Variants in SYT6 observed in about 807,000 individuals in gnomAD.
SYT6 encodes synaptotagmin 6, also known as synaptotagmin-6.
In SYT6, 24 loss-of-function variants were observed where a neutral mutation model predicts 38.4. That is an observed-to-expected ratio of 0.62 (90% confidence interval 0.45 to 0.88). The LOEUF is 0.88. Among genes scored for constraint, SYT6 ranks in the 40% least tolerant of loss-of-function variants. The pLI is 0.00. For missense variants in SYT6, 611 were observed against 621.0 expected (o/e 0.98, Z 0.17); for synonymous variants, 265 against 241.9 (o/e 1.10, Z -0.89).
At chr1:114,129,616 C>CTTTCTTTCTTTCCTTT (rs767321115) in intron 3 of SYT6, among the ~76,000 whole-genome samples, 45 of 58,968 alleles carry the variant, frequency 7.6e-4, no homozygotes, top group African/African-American at 1.1e-3. Context: ...TTCTTTCTTT[C>CTTTCTTTCTTTCCTTT]CTTTCTTTCT....
intron 3 of SYT6, among the ~76,000 whole-genome samples, chr1:114,104,124 G>T (rs1050576300): frequency 6.6e-6 from 1 of 152,158 alleles, no homozygotes; most frequent in Non-Finnish European, 1.5e-5. Flanking sequence ...GCCCATCCAG[G>T]CATGTGGTCA....
chr1:114,140,328 C>A (rs1198314962), intron 1 of SYT6, among the ~76,000 whole-genome samples: 2 of 151,818 alleles, frequency 1.3e-5, no homozygotes, highest in Non-Finnish European at 2.9e-5. Flanking sequence ...AGCAAATGTG[C>A]AAATTTGTGA....
At chr1:114,109,058 G>T (rs779596570) in intron 3 of SYT6, among the ~76,000 whole-genome samples, 25 of 152,194 alleles carry the variant, frequency 1.6e-4, no homozygotes, top group Non-Finnish European at 2.8e-4. Flanking sequence ...GACTCCAATG[G>T]CTAAAGAAAC....
At chr1:114,131,643 G>C (rs910269627) in intron 3 of SYT6, among the ~76,000 whole-genome samples, 1 of 152,166 alleles carries the variant, frequency 6.6e-6, no homozygotes, top group African/African-American at 2.4e-5. Context: ...TGATATGGAG[G>C]GCTCTTGCTT....
chr1:114,095,985 C>A (rs1675617318), intron 6 of SYT6, among the ~76,000 whole-genome samples: 1 of 151,372 alleles, frequency 6.6e-6, no homozygotes, highest in Non-Finnish European at 1.5e-5. Context: ...TAAGGCCCTA[C>A]AGCCGACCAG....
At chr1:114,131,647 C>CT (rs1216295127) in intron 3 of SYT6, among the ~76,000 whole-genome samples, 1 of 152,218 alleles carries the variant, frequency 6.6e-6, no homozygotes, top group Non-Finnish European at 1.5e-5. Flanking sequence ...ATGGAGGGCT[C>CT]TTGCTTTACC....
At position 114,106,056 on chromosome 1, in the gene SYT6, A is replaced by G. The variant is rs184903823; in HGVS notation, c.1072-2335T>C. Among the ~76,000 whole-genome samples the G allele has an allele frequency of 6.6e-3, 1,003 of 152,266 alleles. 5 individuals carry two copies. Among genetic ancestry groups the G allele is most frequent in the Non-Finnish European group, 9.0e-3 (615 of 68,012 alleles). ...CTCCTGGCTCCCTAGTCCCCTAGTC[A>G]AGAGAGAGACACATAGCAAGTGCCC... On this transcript the variant is annotated intron_variant, in intron 3 of 7. Coordinates refer to ENST00000610222, the MANE Select transcript of SYT6 (RefSeq NM_001253772.2).
At position 114,097,895 on chromosome 1, in the gene SYT6, G is replaced by T; in HGVS notation, c.1365-18C>A. 1 of 1,613,396 alleles carries T rather than the reference G, an allele frequency of 6.2e-7. No individual in the cohort carries two copies. Among genetic ancestry groups the T allele is most frequent in the Non-Finnish European group, 8.5e-7 (1 of 1,179,478 alleles). Reference sequence around the variant, plus strand: ...GGCCCACTCTGAGGGAGAAACAAAAGTCCCAGCACTGGCTACCAGACATGC... The same window carrying T: ...GGCCCACTCTGAGGGAGAAACAAAATTCCCAGCACTGGCTACCAGACATGC... On this transcript the variant is annotated intron_variant, in intron 5 of 7. Coordinates refer to ENST00000610222, the MANE Select transcript of SYT6 (RefSeq NM_001253772.2).
chr1:114,104,136 G>A (rs1205638057), intron 3 of SYT6, among the ~76,000 whole-genome samples: 1 of 152,180 alleles, frequency 6.6e-6, no homozygotes, highest in Non-Finnish European at 1.5e-5. Flanking sequence ...ATGTGGTCAT[G>A]ACAGTGTCCT....
At chr1:114,092,910 T>C (rs1210673756) in intron 7 of SYT6, among the ~76,000 whole-genome samples, 1 of 152,200 alleles carries the variant, frequency 6.6e-6, no homozygotes, top group Non-Finnish European at 1.5e-5. Flanking sequence ...TGTTAATAAC[T>C]TCAAAGTGAG....
rs78780048 is a variant in SYT6 at position 114,136,959 on chromosome 1, C to T, written c.1071+536G>A. Among the ~76,000 whole-genome samples the T allele has an allele frequency of 4.9e-4, 75 of 152,238 alleles. 2 individuals carry two copies. In the East Asian group the frequency reaches 8.7e-3, roughly 18 times the overall value. The stretch of plus-strand genomic sequence containing the variant: ...GTTTTAATAAACAGTGCGTGATTTG[C>T]CACTTCCTCTTCCTCCTGATGTTTA... On this transcript the variant is annotated intron_variant, in intron 3 of 7. Coordinates refer to ENST00000610222, the MANE Select transcript of SYT6 (RefSeq NM_001253772.2).
At position 114,139,745 on chromosome 1, in the gene SYT6, G is replaced by T. The variant is rs1416352961; in HGVS notation, c.382C>A (p.Leu128Met). The T allele has an allele frequency of 3.7e-6, 6 of 1,614,022 alleles. No homozygotes were observed. The highest frequency in any genetic ancestry group is 5.1e-6 in the Non-Finnish European group (6 of 1,180,020). Residue 128 changes from leucine (L) to methionine (M), a missense_variant, in exon 2 of 8, where the codon CTG (leucine) becomes ATG (methionine). Physicochemically the swap from Leu to Met is conservative, Grantham distance 15. Coordinates refer to ENST00000610222, the MANE Select transcript of SYT6 (RefSeq NM_001253772.2). ...KLKDPSTLGF[L>M]EAAVKISHTS... ...TGGCTGATCTTCACGGCCGCCTCCA[G>T]GAAGCCCAGGGTGCTGGGGTCCTTC...
At position 114,139,103 on chromosome 1, in the gene SYT6, A is replaced by G. The variant is rs80086424; in HGVS notation, c.512+512T>C. On this transcript the variant is annotated intron_variant, in intron 2 of 7. Coordinates refer to ENST00000610222, the MANE Select transcript of SYT6 (RefSeq NM_001253772.2). Reference sequence around the variant, plus strand: ...TTTTCTTGTTGCTATTTTCAGTTAAAGGATGCTGTATGTATTTACAGTTGT... The same window carrying G: ...TTTTCTTGTTGCTATTTTCAGTTAAGGGATGCTGTATGTATTTACAGTTGT... Among the ~76,000 whole-genome samples the G allele has an allele frequency of 4.0e-3, 604 of 152,346 alleles. 11 individuals carry two copies. The highest frequency in any genetic ancestry group is 0.014 in the African/African-American group (577 of 41,572).
intron 1 of SYT6, among the ~76,000 whole-genome samples, chr1:114,149,679 G>A (rs1679346990): frequency 6.6e-6 from 1 of 152,020 alleles, no homozygotes; most frequent in African/African-American, 2.4e-5. Flanking sequence ...TTCTGCTTGA[G>A]GGGTCAGGGC....
chr1:114,120,596 C>T (rs1005373635), intron 3 of SYT6, among the ~76,000 whole-genome samples: 2 of 152,166 alleles, frequency 1.3e-5, no homozygotes, highest in Non-Finnish European at 2.9e-5. Context: ...AATAAATAAA[C>T]GTTTTTATTA....
intron 4 of SYT6, among the ~76,000 whole-genome samples, chr1:114,102,830 T>G (rs1676048483): frequency 6.6e-6 from 1 of 151,568 alleles, no homozygotes; most frequent in African/African-American, 2.4e-5. Context: ...TCTGAGCTGA[T>G]GAGGGAAGGA....
chr1:114,112,040 G>A (rs1440655003), intron 3 of SYT6, among the ~76,000 whole-genome samples: 1 of 152,190 alleles, frequency 6.6e-6, no homozygotes, highest in Non-Finnish European at 1.5e-5. Flanking sequence ...TTCCTGCTGG[G>A]TGCTGGGGCA....
intron 6 of SYT6, 130 bp downstream of exon 6, chr1:114,097,597 G>A: frequency 8.8e-7 from 1 of 1,138,364 alleles, no homozygotes; most frequent in Non-Finnish European, 1.3e-6. Flanking sequence ...ATTACACACT[G>A]GGTAAGAAGC....
At chr1:114,104,297 T>C (rs904214235) in intron 3 of SYT6, among the ~76,000 whole-genome samples, 3 of 152,236 alleles carry the variant, frequency 2.0e-5, no homozygotes, top group East Asian at 1.9e-4. Flanking sequence ...GGCAAGTGTT[T>C]GATGCCAGGC....
Sources: gnomAD v4.1 joint callset for allele counts (sites outside exome capture counted in the v4.1 genomes callset) on GRCh38, gnomAD v4.1.1 for gene constraint, MANE v1.5 for transcripts, NCBI Gene and HGNC (gene_info 2026-07-23, HGNC 2026-07-21) for gene names.